Variants in STOM observed in about 807,000 individuals in gnomAD.
STOM encodes the protein erythrocyte band 7 integral membrane protein.
STOM carries 25 observed loss-of-function variants against 30.6 expected under a neutral mutation model. The observed-to-expected ratio is 0.82, with a 90% CI of 0.60 to 1.14. The LOEUF (loss-of-function observed/expected upper bound fraction) is 1.14. Ranked by LOEUF, STOM falls within the 50% of genes most tolerant of loss-of-function variation. The probability of loss-of-function intolerance (pLI) is 0.00; values close to 1 mark genes in which losing one functional copy is unlikely to be tolerated. For missense variants in STOM, 292 were observed against 365.2 expected, an observed-to-expected ratio of 0.80 and a Z score of 1.63; for synonymous variants, 118 against 130.8, an observed-to-expected ratio of 0.90 and a Z score of 0.67.
chr9:121,342,944 A>T (rs2064259715), intron 6 of STOM, among the ~76,000 whole-genome samples: 1 of 152,232 alleles, frequency 6.6e-6, no homozygotes, highest in Non-Finnish European at 1.5e-5. Context: ...TACCAGCCGA[A>T]TGTCCTCAGA....
At position 121,370,201 on chromosome 9, in the gene STOM, C is replaced by A; in HGVS notation, c.-14G>T. The A allele has an allele frequency of 6.5e-7, 1 of 1,546,322 alleles. No homozygotes were observed. The highest frequency in any genetic ancestry group is 8.7e-7 in the Non-Finnish European group (1 of 1,145,492). On this transcript the variant is annotated 5_prime_UTR_variant, in exon 1 of 7. Transcript: ENST00000286713. The stretch of plus-strand genomic sequence containing the variant: ...CTTCTCGGCCATGCTGCCCGAGACG[C>A]AGTCGCACTCCCCCGTCCTCGTTGC...
At chr9:121,353,164 C>G (rs986559124) in intron 4 of STOM, 56 bp downstream of exon 4, 1 of 972,190 alleles carries the variant, frequency 1.0e-6, no homozygotes, top group Admixed American at 2.2e-5. Flanking sequence ...CTATTCTGTC[C>G]CTCATTGTAA....
chr9:121,355,254 T>A (rs796460177), intron 2 of STOM, among the ~76,000 whole-genome samples: 7,913 of 97,862 alleles, frequency 0.081, 330 homozygotes, highest in African/African-American at 0.11. Flanking sequence ...AAAAAAATAA[T>A]AATAATAATA....
intron 4 of STOM, among the ~76,000 whole-genome samples, chr9:121,351,626 C>T (rs1196292246): frequency 2.0e-5 from 3 of 152,180 alleles, no homozygotes; most frequent in Non-Finnish European, 1.5e-5. Context: ...ATCACTTTTT[C>T]GGGGGCTATG....
intron 1 of STOM, among the ~76,000 whole-genome samples, chr9:121,361,660 T>C (rs908408846): frequency 1.3e-5 from 2 of 152,154 alleles, no homozygotes; most frequent in Admixed American, 1.3e-4. Flanking sequence ...AGTGCTGGGA[T>C]TACAGGCGTG....
At position 121,339,519 on chromosome 9, in the gene STOM, G is replaced by T; in HGVS notation, c.*1683C>A. 2 of 1,227,838 alleles carry T rather than the reference G, an allele frequency of 1.6e-6. No homozygotes were observed. The highest frequency in any genetic ancestry group is 2.0e-6 in the Non-Finnish European group (2 of 985,648). The allele number at this position is 1,227,838 out of a possible 1,614,324, so 76.1% of individuals were successfully genotyped here. On this transcript the variant is annotated 3_prime_UTR_variant, in exon 7 of 7. Transcript: ENST00000286713. The stretch of plus-strand genomic sequence containing the variant: ...GCTTGAAATTGGGGTACAGGGGAAG[G>T]GACATCCATTGGCTGGATGGACAGA...
In STOM at chr9:121,340,142, AGT is replaced by A; in HGVS notation, c.*1058_*1059del. 2.0e-6 allele frequency: 2 copies of A among 985,360 alleles called. No homozygotes were observed. Among genetic ancestry groups the A allele is most frequent in the Non-Finnish European group, 2.4e-6 (2 of 829,822 alleles). 61.0% of individuals were successfully genotyped at this position (985,360 alleles called of 1,614,324 possible). A position where few individuals can be genotyped will look rare whatever the true frequency, so the allele number is the denominator to read the frequency against. On this transcript the variant is annotated 3_prime_UTR_variant, in exon 7 of 7. Transcript: ENST00000286713. ...AACCTGATATATGAAAATAGGCAACAGTGAGAAAAAAGCACTTTTGTGACAAA... is the reference window on the plus strand; with the variant it reads ...AACCTGATATATGAAAATAGGCAACAGAGAAAAAAGCACTTTTGTGACAAA...
At position 121,355,651 on chromosome 9, in the gene STOM, C is replaced by T. The variant is rs146295544; in HGVS notation, c.165+402G>A. 5.9e-5 allele frequency among the ~76,000 whole-genome samples: 9 copies of T among 152,236 alleles called. No homozygotes were observed. In the East Asian group the frequency reaches 1.5e-3, roughly 26 times the overall value. ...TTAGACACATAATTCATTTAATCCT[C>T]GCAACACTCCTATGAAGTAGGTACT... is the stretch of plus-strand genomic sequence containing the variant. On this transcript the variant is annotated intron_variant, in intron 2 of 6. Transcript: ENST00000286713.
chr9:121,362,438 T>G (rs1382644602), intron 1 of STOM, among the ~76,000 whole-genome samples: 1 of 151,408 alleles, frequency 6.6e-6, no homozygotes, highest in Admixed American at 6.6e-5. Flanking sequence ...TATTAAAGAT[T>G]AATTAATTAA....
chr9:121,344,038 G>A (rs2064268714), intron 6 of STOM, among the ~76,000 whole-genome samples: 1 of 152,126 alleles, frequency 6.6e-6, no homozygotes, highest in South Asian at 2.1e-4. Context: ...AGGAGGAAAG[G>A]GGGACACAGG....
intron 4 of STOM, 39 bp from the exon 5 acceptor site, chr9:121,349,362 C>G: frequency 6.3e-7 from 1 of 1,579,386 alleles, no homozygotes; most frequent in African/African-American, 1.3e-5. Context: ...CTGTCAACGA[C>G]TTTTTTTTAA....
intron 1 of STOM, among the ~76,000 whole-genome samples, chr9:121,361,547 C>A (rs1273727034): frequency 6.6e-6 from 1 of 152,010 alleles, no homozygotes; most frequent in Admixed American, 6.6e-5. Flanking sequence ...CACCACCATG[C>A]CTGGCTAATT....
intron 1 of STOM, among the ~76,000 whole-genome samples, chr9:121,360,773 C>T (rs1207534794): frequency 6.6e-6 from 1 of 151,212 alleles, no homozygotes; most frequent in Non-Finnish European, 1.5e-5. Context: ...AAAGTTCAGC[C>T]CAGTTTTTTT....
At position 121,369,996 on chromosome 9, in the gene STOM, G is replaced by A. The variant is rs1367158590; in HGVS notation, c.61+131C>T. On this transcript the variant is annotated intron_variant, in intron 1 of 6. Transcript: ENST00000286713. ...GTGATGCTCAGTTTACTAGGGAGGAGCCGCGGCTTTGAGATCTCGCCCAGC... is the reference window on the plus strand; with the variant it reads ...GTGATGCTCAGTTTACTAGGGAGGAACCGCGGCTTTGAGATCTCGCCCAGC... 4.9e-6 allele frequency: 4 copies of A among 821,676 alleles called. No homozygotes were observed. In the South Asian group the frequency reaches 5.1e-5, roughly 10 times the overall value. The allele number at this position is 821,676 out of a possible 1,614,324, so 50.9% of individuals were successfully genotyped here.
chr9:121,351,053 G>A (rs2064334658), intron 4 of STOM, among the ~76,000 whole-genome samples: 1 of 152,166 alleles, frequency 6.6e-6, no homozygotes, highest in Non-Finnish European at 1.5e-5. Flanking sequence ...TCATCGGCAA[G>A]GGTTTATCTC....
intron 5 of STOM, 31 bp from the exon 6 acceptor site, chr9:121,348,180 T>C (rs1460721360): frequency 6.2e-7 from 1 of 1,612,816 alleles, no homozygotes; most frequent in Non-Finnish European, 8.5e-7. Context: ...AAGCTAAATC[T>C]CCTCAGCCCA....
chr9:121,340,176 GCT>G lies in STOM; in HGVS notation c.*1024_*1025del. ...AAAGCACTTTTGTGACAAATATTTA[GCT>G]GGTTTGAAAGACAGAACAAGGAGGA... On this transcript the variant is annotated 3_prime_UTR_variant, in exon 7 of 7. Coordinates refer to ENST00000286713, the MANE Select transcript of STOM (RefSeq NM_004099.6). 1.0e-6 allele frequency: 1 copy of G among 985,394 alleles called. No homozygotes were observed. The highest frequency in any genetic ancestry group is 1.2e-6 in the Non-Finnish European group (1 of 829,920). The allele number at this position is 985,394 out of a possible 1,614,324, so 61.0% of individuals were successfully genotyped here. A position where few individuals can be genotyped will look rare whatever the true frequency, so the allele number is the denominator to read the frequency against.
At chr9:121,344,512 C>T (rs1223991145) in intron 6 of STOM, among the ~76,000 whole-genome samples, 3 of 152,180 alleles carry the variant, frequency 2.0e-5, no homozygotes, top group East Asian at 1.9e-4. Flanking sequence ...ACAACACCAC[C>T]GGCTTTGTCT....
chr9:121,344,760 T>C (rs184257207), intron 6 of STOM, among the ~76,000 whole-genome samples: 1 of 152,364 alleles, frequency 6.6e-6, no homozygotes, highest in Admixed American at 6.5e-5. Context: ...TCTGTATTTC[T>C]GCACTCCATC....
Sources: gnomAD v4.1 joint callset for allele counts (sites outside exome capture counted in the v4.1 genomes callset) on GRCh38, gnomAD v4.1.1 for gene constraint, MANE v1.5 for transcripts, NCBI Gene and HGNC (gene_info 2026-07-23, HGNC 2026-07-21) for gene names.